CCDC6: variants seen among roughly 807,000 people sequenced by gnomAD.
CCDC6 encodes the protein coiled-coil domain containing 6.
CCDC6 carries 20 observed loss-of-function variants against 56.6 expected under a neutral mutation model. That is an observed-to-expected ratio of 0.35 (90% CI 0.25 to 0.51). The LOEUF is 0.51. Ranked by LOEUF, CCDC6 falls within the 20% of genes least tolerant of loss-of-function variation. CCDC6 has a pLI of 0.95. For synonymous variants in CCDC6, 241 were observed against 234.4 expected (o/e 1.03, Z -0.26); for missense variants, 367 against 601.1 (o/e 0.61, Z 4.07).
chr10:59,823,420 G>A (rs552791242), intron 3 of CCDC6, among the ~76,000 whole-genome samples: 30 of 152,250 alleles, frequency 2.0e-4, no homozygotes, highest in Middle Eastern at 3.4e-3. Context: ...GCAGCCAGCC[G>A]GTGCCAGCAC....
At chr10:59,794,704 A>G in intron 7 of CCDC6, 107 bp from the exon 8 acceptor site, 1 of 872,498 alleles carries the variant, frequency 1.1e-6, no homozygotes, top group Non-Finnish European at 1.8e-6. Context: ...CCACAAAAAT[A>G]CAAACAGATG....
intron 1 of CCDC6, among the ~76,000 whole-genome samples, chr10:59,860,741 C>T (rs2071121093): frequency 2.0e-5 from 3 of 152,204 alleles, no homozygotes; most frequent in East Asian, 1.9e-4. Flanking sequence ...GAAAAAGAGG[C>T]GTGCTCATTT....
chr10:59,839,362 T>C (rs1564745775), intron 2 of CCDC6, among the ~76,000 whole-genome samples: 1 of 152,156 alleles, frequency 6.6e-6, no homozygotes, highest in Non-Finnish European at 1.5e-5. Context: ...CTCCAAAACA[T>C]AGAAAATACA....
rs2071063566 is a variant in CCDC6, at chr10:59,854,401, CAG to C, written c.304-1701_304-1700del. ...CACACATAGTACACAGACTGAAAAA[CAG>C]AGCTACACAAACACAAACAGTGGAG... On this transcript the variant is annotated intron_variant, in intron 1 of 8. Coordinates refer to ENST00000263102, the MANE Select transcript of CCDC6 (RefSeq NM_005436.5). Among the ~76,000 whole-genome samples, 3 of 152,284 alleles carry C rather than the reference CAG, an allele frequency of 2.0e-5. No homozygotes were observed. The South Asian group carries it at 6.2e-4, about 32-fold the overall frequency.
intron 1 of CCDC6, among the ~76,000 whole-genome samples, chr10:59,904,578 A>G (rs1042029138): frequency 2.6e-5 from 4 of 152,170 alleles, no homozygotes; most frequent in Non-Finnish European, 5.9e-5. Flanking sequence ...CACTCAGCAA[A>G]GACATCTCTG....
At chr10:59,894,414 G>A (rs1453771699) in intron 1 of CCDC6, among the ~76,000 whole-genome samples, 3 of 152,114 alleles carry the variant, frequency 2.0e-5, no homozygotes, top group African/African-American at 7.2e-5. Flanking sequence ...CCTTTAGATC[G>A]TGACTAAGAA....
intron 1 of CCDC6, among the ~76,000 whole-genome samples, chr10:59,854,551 G>T (rs1035887999): frequency 3.0e-4 from 46 of 151,742 alleles, no homozygotes; most frequent in African/African-American, 1.1e-3. Flanking sequence ...GGCACCCAGT[G>T]AGCAGTCCAT....
At chr10:59,822,542 C>G (rs541826473) in intron 3 of CCDC6, among the ~76,000 whole-genome samples, 2 of 152,300 alleles carry the variant, frequency 1.3e-5, no homozygotes, top group African/African-American at 2.4e-5. Flanking sequence ...AAAGAAATGA[C>G]ATCTGTAACT....
Position 59,788,844 on chromosome 10 carries a change from G to A in CCDC6, c.*4073C>T, listed in dbSNP as rs2070441993. The A allele has an allele frequency of 5.0e-6, 1 of 199,774 alleles. No homozygotes were observed. The allele number at this position is 199,774 out of a possible 1,614,324, so 12.4% of individuals were successfully genotyped here. A position where few individuals can be genotyped will look rare whatever the true frequency, so the allele number is the denominator to read the frequency against. ...CTAATCAACATAAAGGAGTAAATAA[G>A]ACATTAATTGAAAGTCTTACATCTC... On this transcript the variant is annotated 3_prime_UTR_variant, in exon 9 of 9. Coordinates refer to ENST00000263102, the MANE Select transcript of CCDC6 (RefSeq NM_005436.5).
intron 2 of CCDC6, among the ~76,000 whole-genome samples, chr10:59,849,628 G>C (rs2071021109): frequency 6.6e-6 from 1 of 152,084 alleles, no homozygotes; most frequent in Admixed American, 6.6e-5. Flanking sequence ...AACAAAAATT[G>C]ATCTGTATAT....
chr10:59,829,575 A>G (rs2070818082), intron 3 of CCDC6, among the ~76,000 whole-genome samples: 1 of 152,244 alleles, frequency 6.6e-6, no homozygotes, highest in Admixed American at 6.5e-5. Context: ...TCCATACCAT[A>G]GATGATTATT....
intron 2 of CCDC6, among the ~76,000 whole-genome samples, chr10:59,840,076 G>A (rs879332369): frequency 3.3e-5 from 5 of 151,948 alleles, no homozygotes; most frequent in South Asian, 2.1e-4. Flanking sequence ...CCCCCACCTC[G>A]GCCTCCCAAA....
At chr10:59,836,042 C>A (rs7475730) in intron 2 of CCDC6, among the ~76,000 whole-genome samples, 41,085 of 137,720 alleles carry the variant, frequency 0.3, 6,403 homozygotes, top group Middle Eastern at 0.34. Context: ...TGACAGACTG[C>A]GACCCTGTCT....
intron 1 of CCDC6, among the ~76,000 whole-genome samples, chr10:59,891,232 C>T (rs925956461): frequency 6.6e-6 from 1 of 152,106 alleles, no homozygotes; most frequent in Admixed American, 6.5e-5. Context: ...ACTGGTAATC[C>T]TACTTGGTTT....
intron 2 of CCDC6, among the ~76,000 whole-genome samples, chr10:59,846,010 G>A (rs115834751): frequency 0.014 from 2,070 of 152,218 alleles, 55 homozygotes; most frequent in African/African-American, 0.045. Context: ...TAGTGGCTTC[G>A]GAAACTTGAA....
intron 5 of CCDC6, among the ~76,000 whole-genome samples, chr10:59,812,222 T>A (rs2070680050): frequency 6.6e-6 from 1 of 152,194 alleles, no homozygotes; most frequent in Non-Finnish European, 1.5e-5. Flanking sequence ...ACTCTTCAAA[T>A]AGCATGAACA....
At chr10:59,900,326 G>A (rs1293522407) in intron 1 of CCDC6, among the ~76,000 whole-genome samples, 1 of 152,178 alleles carries the variant, frequency 6.6e-6, no homozygotes. Context: ...TTCAGGTGGA[G>A]AAGGCAGTAC....
At chr10:59,902,056 A>G (rs1390471070) in intron 1 of CCDC6, among the ~76,000 whole-genome samples, 2 of 152,214 alleles carry the variant, frequency 1.3e-5, no homozygotes, top group African/African-American at 4.8e-5. Context: ...GCCCCAAATA[A>G]AATGGCCTAG....
chr10:59,895,138 A>AAAT (rs951709934), intron 1 of CCDC6, among the ~76,000 whole-genome samples: 1 of 152,078 alleles, frequency 6.6e-6, no homozygotes, highest in African/African-American at 2.4e-5. Flanking sequence ...CCTCTATAAA[A>AAAT]AATAATAATA....
Sources: gnomAD v4.1 joint callset for allele counts (sites outside exome capture counted in the v4.1 genomes callset) on GRCh38, gnomAD v4.1.1 for gene constraint, MANE v1.5 for transcripts, NCBI Gene and HGNC (gene_info 2026-07-23, HGNC 2026-07-21) for gene names.